MYPOP: variants seen among roughly 807,000 people sequenced by gnomAD.
MYPOP encodes the protein Myb related transcription factor, partner of profilin.
MYPOP carries 21 observed loss-of-function variants against 25.7 expected under a neutral mutation model. That is an observed-to-expected ratio of 0.82 (90% CI 0.58 to 1.18). The LOEUF is 1.18. Among genes scored for constraint, MYPOP ranks in the 50% most tolerant of loss-of-function variants. MYPOP has a pLI of 0.00. For missense variants in MYPOP, 566 were observed against 588.3 expected, an observed-to-expected ratio of 0.96 and a Z score of 0.39; for synonymous variants, 280 against 247.9, an observed-to-expected ratio of 1.13 and a Z score of -1.22.
chr19:45,896,406 C>T (rs1451755217), intron 2 of MYPOP, among the ~76,000 whole-genome samples: 11 of 152,274 alleles, frequency 7.2e-5, no homozygotes, highest in African/African-American at 1.2e-4. Context: ...ATGAGTAGAG[C>T]GGACAGTGAC....
intron 2 of MYPOP, among the ~76,000 whole-genome samples, chr19:45,895,765 G>A (rs577651659): frequency 5.9e-5 from 9 of 152,236 alleles, no homozygotes; most frequent in Non-Finnish European, 8.8e-5. Context: ...CTCTTCCCAC[G>A]GCTATGGGGC....
rs529361590 is a variant in MYPOP at position 45,890,291 on chromosome 19, C to G, written c.*332G>C. On this transcript the variant is annotated 3_prime_UTR_variant, in exon 3 of 3. Transcript: ENST00000322217. ...GGGTCAATTCTCTTCAAGTCAAGAA[C>G]AGGAACTGTTAGGGAAGGGGAGATG... 5 of 246,374 alleles carry G rather than the reference C, an allele frequency of 2.0e-5. No homozygotes were observed. In the South Asian group the frequency reaches 4.4e-4, roughly 22 times the overall value. The allele number at this position is 246,374 out of a possible 1,614,324, so 15.3% of individuals were successfully genotyped here.
At chr19:45,898,878 G>A (rs569995376) in intron 2 of MYPOP, among the ~76,000 whole-genome samples, 44 of 152,166 alleles carry the variant, frequency 2.9e-4, no homozygotes, top group African/African-American at 9.9e-4. Flanking sequence ...ACCACCTCCT[G>A]GTATACAGTC....
chr19:45,893,952 G>A (rs1967164356), intron 2 of MYPOP, among the ~76,000 whole-genome samples: 1 of 150,386 alleles, frequency 6.6e-6, no homozygotes, highest in East Asian at 2.0e-4. Flanking sequence ...ACCACGCCCG[G>A]CTAATTTTTT....
Position 45,901,627 on chromosome 19 carries a change from C to A in MYPOP, c.147G>T (p.Val49=). 6.2e-7 allele frequency: 1 copy of A among 1,610,684 alleles called. No individual in the cohort carries two copies. The highest frequency in any genetic ancestry group is 8.5e-7 in the Non-Finnish European group (1 of 1,179,256). Residue 49 remains valine (V), a synonymous_variant, in exon 2 of 3, where the codon GTG becomes GTT. Transcript: ENST00000322217. This position sits in a 1 kb window ranked among gnomAD's most constrained non-coding sequence, Gnocchi z 5.7. Reference sequence around the variant, plus strand: ...CGTCCCACACGCGCCGCCGCTCTGCCACGCTCACCCGACGGCTCTGCGCGC... The same window carrying A: ...CGTCCCACACGCGCCGCCGCTCTGCAACGCTCACCCGACGGCTCTGCGCGC... ...LYGAQSRRVS[V]AERRRVWDGI... is the part of the protein sequence containing the mutation.
intron 2 of MYPOP, among the ~76,000 whole-genome samples, chr19:45,892,541 C>A (rs557876452): frequency 6.6e-6 from 1 of 152,110 alleles, no homozygotes; most frequent in East Asian, 1.9e-4. Context: ...TGTGTACTCT[C>A]AATTGTCGAA....
chr19:45,902,223 G>A (rs1293893353), intron 1 of MYPOP, among the ~76,000 whole-genome samples: 3 of 121,588 alleles, frequency 2.5e-5, no homozygotes, highest in Non-Finnish European at 5.0e-5. Flanking sequence ...AGATGCGGAA[G>A]GGGGGATGCA....
intron 2 of MYPOP, among the ~76,000 whole-genome samples, chr19:45,893,725 G>A (rs1967159665): frequency 6.6e-6 from 1 of 151,856 alleles, no homozygotes; most frequent in Non-Finnish European, 1.5e-5. Flanking sequence ...AATTGATCGT[G>A]GTGATGGTTG....
chr19:45,899,128 AG>A (rs1568644869), intron 2 of MYPOP, among the ~76,000 whole-genome samples: 2 of 152,198 alleles, frequency 1.3e-5, no homozygotes, highest in African/African-American at 2.4e-5. Context: ...CGGGAGGATG[AG>A]GCAGGAGAAT....
chr19:45,890,566 C>T lies in MYPOP; in HGVS notation c.*57G>A. On this transcript the variant is annotated 3_prime_UTR_variant, in exon 3 of 3. Coordinates refer to ENST00000322217, the MANE Select transcript of MYPOP (RefSeq NM_001012643.4). ...TGGGATGGGCAGAGAGCATCGCCCC[C>T]CTCGACTGCGCCAAGCTGGGGAGAG... 2.5e-6 allele frequency: 4 copies of T among 1,591,586 alleles called. No homozygotes were observed. Among genetic ancestry groups the T allele is most frequent in the Non-Finnish European group, 3.4e-6 (4 of 1,167,470 alleles).
chr19:45,891,723 C>T (rs1052713956), intron 2 of MYPOP, among the ~76,000 whole-genome samples: 17 of 152,000 alleles, frequency 1.1e-4, no homozygotes, highest in Non-Finnish European at 4.4e-5. Flanking sequence ...CAGGTGTGAG[C>T]CACCGCGCCT....
chr19:45,899,119 G>C (rs1007840275), intron 2 of MYPOP, among the ~76,000 whole-genome samples: 82 of 152,278 alleles, frequency 5.4e-4, no homozygotes, highest in African/African-American at 1.9e-3. Flanking sequence ...TCGGCTACTC[G>C]GGAGGATGAG....
chr19:45,898,998 G>A (rs909424967), intron 2 of MYPOP, among the ~76,000 whole-genome samples: 25 of 151,996 alleles, frequency 1.6e-4, no homozygotes, highest in African/African-American at 5.1e-4. Flanking sequence ...TGGCCAAGGC[G>A]GGCAGATCAC....
chr19:45,890,372 A>C lies in MYPOP; in HGVS notation c.*251T>G. ...ACATAGGGCAATAATAAATAACATG[A>C]AATTGATGGCTTAGAAGTCAGGGTT... is the stretch of plus-strand genomic sequence containing the variant. On this transcript the variant is annotated 3_prime_UTR_variant, in exon 3 of 3. Transcript: ENST00000322217. The C allele has an allele frequency of 2.2e-6, 1 of 456,582 alleles. No homozygotes were observed. The highest frequency in any genetic ancestry group is 3.8e-6 in the Non-Finnish European group (1 of 264,966). The allele number at this position is 456,582 out of a possible 1,614,324, so 28.3% of individuals were successfully genotyped here.
intron 2 of MYPOP, among the ~76,000 whole-genome samples, chr19:45,900,456 C>A (rs1199578693): frequency 7.3e-6 from 1 of 136,720 alleles, no homozygotes; most frequent in Non-Finnish European, 1.6e-5. Flanking sequence ...ACCACCCCCC[C>A]CCCCACCGAA....
In MYPOP at chr19:45,894,078, C is replaced by T. The variant is rs532979862; in HGVS notation, c.500-2755G>A. 4.6e-5 allele frequency among the ~76,000 whole-genome samples: 7 copies of T among 150,706 alleles called. No homozygotes were observed. In the South Asian group the frequency reaches 6.3e-4, roughly 14 times the overall value. On this transcript the variant is annotated intron_variant, in intron 2 of 2. Coordinates refer to ENST00000322217, the MANE Select transcript of MYPOP (RefSeq NM_001012643.4). ...TGCTGGGATTACAGGCATGAGCCACCGCGCCTGATCCTGTACACTTTATTT... is the reference window on the plus strand; with the variant it reads ...TGCTGGGATTACAGGCATGAGCCACTGCGCCTGATCCTGTACACTTTATTT...
At chr19:45,895,235 A>C (rs1967185748) in intron 2 of MYPOP, among the ~76,000 whole-genome samples, 1 of 151,010 alleles carries the variant, frequency 6.6e-6, no homozygotes, top group African/African-American at 2.4e-5. Context: ...ATCCTCAAAC[A>C]CATCAGGCCT....
At position 45,897,965 on chromosome 19, in the gene MYPOP, C is replaced by A. The variant is rs534613202; in HGVS notation, c.499+3310G>T. On this transcript the variant is annotated intron_variant, in intron 2 of 2. Coordinates refer to ENST00000322217, the MANE Select transcript of MYPOP (RefSeq NM_001012643.4). ...TTAAGACGGAGTCTCGCTCTGTCAC[C>A]CAGGCTGGAGTGCAGTGGCACAATC... Among the ~76,000 whole-genome samples the A allele has an allele frequency of 4.0e-5, 6 of 151,538 alleles. No individual in the cohort carries two copies. In the South Asian group the frequency reaches 1.3e-3, roughly 32 times the overall value.
At chr19:45,900,960 G>A (rs1967279766) in intron 2 of MYPOP, among the ~76,000 whole-genome samples, 2 of 152,190 alleles carry the variant, frequency 1.3e-5, no homozygotes, top group African/African-American at 4.8e-5. Flanking sequence ...CAGTGGCAAA[G>A]TTGTGATCGG....
Sources: gnomAD v4.1 joint callset for allele counts (sites outside exome capture counted in the v4.1 genomes callset) on GRCh38, gnomAD v4.1.1 for gene constraint, Gnocchi (gnomAD v3.1) non-coding constraint, MANE v1.5 for transcripts, NCBI Gene and HGNC (gene_info 2026-07-23, HGNC 2026-07-21) for gene names.